EXOC4: variants seen among roughly 807,000 people sequenced by gnomAD.
The protein encoded by EXOC4 is exocyst complex component 4.
In EXOC4, 71 loss-of-function variants were observed where a neutral mutation model predicts 107.2. The ratio of observed to expected loss-of-function variants is 0.66; its 90% CI spans 0.55 to 0.81. EXOC4 has a LOEUF of 0.81. Ranked by LOEUF, EXOC4 falls within the 30% of genes least tolerant of loss-of-function variation. The pLI is 0.00. For synonymous variants in EXOC4, 456 were observed against 441.2 expected (o/e 1.03, Z -0.42); for missense variants, 1,108 against 1,189.6 (o/e 0.93, Z 1.01).
At chr7:133,425,933 T>C (rs1003329798) in intron 7 of EXOC4, among the ~76,000 whole-genome samples, 1 of 152,200 alleles carries the variant, frequency 6.6e-6, no homozygotes. Flanking sequence ...ACCAAACCGT[T>C]ATATTTCCTA....
Position 133,572,906 on chromosome 7 carries a change from A to C in EXOC4, c.1418-57139A>C, listed in dbSNP as rs190144007. Among the ~76,000 whole-genome samples, 330 of 152,344 alleles carry C rather than the reference A, an allele frequency of 2.2e-3. 2 individuals carry two copies. Among genetic ancestry groups the C allele is most frequent in the Non-Finnish European group, 2.7e-3 (184 of 68,026 alleles). On this transcript the variant is annotated intron_variant, in intron 9 of 17. Transcript: ENST00000253861. Reference sequence around the variant, plus strand: ...TTAATAATCTTAGTTTCCCACTATGAAAATGAGGATTGCTTGGGGAAAAGA... The same window carrying C: ...TTAATAATCTTAGTTTCCCACTATGCAAATGAGGATTGCTTGGGGAAAAGA...
At chr7:133,350,007 T>C (rs1795872337) in intron 5 of EXOC4, among the ~76,000 whole-genome samples, 1 of 152,166 alleles carries the variant, frequency 6.6e-6, no homozygotes, top group Non-Finnish European at 1.5e-5. Flanking sequence ...TCTATTCAAG[T>C]CCCTTGCACA....
chr7:133,730,044 G>A (rs1458202140), intron 10 of EXOC4, among the ~76,000 whole-genome samples: 1 of 150,938 alleles, frequency 6.6e-6, no homozygotes, highest in African/African-American at 2.4e-5. Context: ...GGATTTAGGT[G>A]AAGGAAATAA....
chr7:133,895,596 C>G lies in EXOC4; in HGVS notation c.1735-3C>G. Reference sequence around the variant, plus strand: ...ATATCCTCTCTTTGTTGTTCATTTCCAGAGCACAATCATTGTGGAGAAGAC... The same window carrying G: ...ATATCCTCTCTTTGTTGTTCATTTCGAGAGCACAATCATTGTGGAGAAGAC... On this transcript the variant is annotated splice_polypyrimidine_tract_variant and splice_region_variant and intron_variant, in intron 11 of 17. Transcript: ENST00000253861. 2 of 1,613,428 alleles carry G rather than the reference C, an allele frequency of 1.2e-6. No homozygotes were observed. The highest frequency in any genetic ancestry group is 1.7e-6 in the Non-Finnish European group (2 of 1,179,598).
intron 10 of EXOC4, among the ~76,000 whole-genome samples, chr7:133,790,807 C>G (rs1219082392): frequency 6.6e-6 from 1 of 152,136 alleles, no homozygotes; most frequent in East Asian, 1.9e-4. Flanking sequence ...ACCTGCTTGT[C>G]AAATAAACAG....
intron 10 of EXOC4, among the ~76,000 whole-genome samples, chr7:133,806,065 C>A (rs1336699817): frequency 6.6e-6 from 1 of 152,166 alleles, no homozygotes; most frequent in Non-Finnish European, 1.5e-5. Context: ...GCTCCTGGGG[C>A]ATAATTCTTT....
At chr7:133,417,990 C>G (rs1797517716) in intron 7 of EXOC4, among the ~76,000 whole-genome samples, 1 of 152,090 alleles carries the variant, frequency 6.6e-6, no homozygotes, top group Non-Finnish European at 1.5e-5. Flanking sequence ...CCATGTTTTA[C>G]TAAAAAAGTA....
chr7:133,755,295 ATATATATTATATATATAT>A (rs1795889166), intron 10 of EXOC4, among the ~76,000 whole-genome samples: 2 of 114,824 alleles, frequency 1.7e-5, no homozygotes, highest in African/African-American at 3.4e-5. Flanking sequence ...TATACATATT[ATATATATTATATATATAT>A]TATATATATA....
chr7:133,307,482 G>T (rs958666750), intron 4 of EXOC4, among the ~76,000 whole-genome samples: 1 of 152,072 alleles, frequency 6.6e-6, no homozygotes, highest in Non-Finnish European at 1.5e-5. Flanking sequence ...AAAATATTCT[G>T]TATTATAAGG....
intron 11 of EXOC4, among the ~76,000 whole-genome samples, chr7:133,889,508 G>A (rs950249584): frequency 1.2e-3 from 162 of 135,420 alleles, no homozygotes; most frequent in Admixed American, 1.7e-3. Context: ...TGCCATGCTG[G>A]TGCGCTGCAC....
chr7:133,495,464 A>G (rs1361839960), intron 9 of EXOC4, among the ~76,000 whole-genome samples: 2 of 152,160 alleles, frequency 1.3e-5, no homozygotes, highest in Non-Finnish European at 2.9e-5. Context: ...TCTTGCACAT[A>G]TGTATTCCCA....
At chr7:133,603,679 A>G (rs1274048260) in intron 9 of EXOC4, among the ~76,000 whole-genome samples, 1 of 152,220 alleles carries the variant, frequency 6.6e-6, no homozygotes, top group East Asian at 1.9e-4. Flanking sequence ...AAAGGTGAAA[A>G]TGGTCCATCT....
chr7:133,328,917 A>C (rs1795312837), intron 5 of EXOC4, among the ~76,000 whole-genome samples: 1 of 151,868 alleles, frequency 6.6e-6, no homozygotes, highest in African/African-American at 2.4e-5. Context: ...CTTCTTGAGG[A>C]GTATTTTTGT....
chr7:133,257,009 CAAAT>C (rs1205152786), intron 1 of EXOC4, among the ~76,000 whole-genome samples: 2 of 152,288 alleles, frequency 1.3e-5, no homozygotes, highest in East Asian at 3.9e-4. Context: ...CTTTGAGACT[CAAAT>C]AAAAATGCTT....
intron 10 of EXOC4, among the ~76,000 whole-genome samples, chr7:133,634,289 G>A (rs148707329): frequency 1.3e-4 from 20 of 152,092 alleles, no homozygotes; most frequent in Non-Finnish European, 2.5e-4. Context: ...CATTAACTCC[G>A]CTTATCCCTT....
At position 134,021,614 on chromosome 7, in the gene EXOC4, G is replaced by T. The variant is rs115668497; in HGVS notation, c.2687+13779G>T. Among the ~76,000 whole-genome samples, 446 of 151,334 alleles carry T rather than the reference G, an allele frequency of 2.9e-3. 1 individual carries two copies. The highest frequency in any genetic ancestry group is 0.01 in the African/African-American group (424 of 41,176). On this transcript the variant is annotated intron_variant, in intron 17 of 17. Transcript: ENST00000253861. Reference sequence around the variant, plus strand: ...CGTGTTCTAACCTTTAACAATATAGGCTTCAGTTGCCGTGTGATGATTTCC... The same window carrying T: ...CGTGTTCTAACCTTTAACAATATAGTCTTCAGTTGCCGTGTGATGATTTCC...
chr7:133,374,343 T>G (rs1796440461), intron 6 of EXOC4, among the ~76,000 whole-genome samples: 1 of 152,102 alleles, frequency 6.6e-6, no homozygotes, highest in Non-Finnish European at 1.5e-5. Flanking sequence ...GGCTGTACAT[T>G]TGGATGGTAG....
Position 133,358,839 on chromosome 7 carries a change from A to G in EXOC4, c.1007+2266A>G, listed in dbSNP as rs181720541. ...AGAATTCACGAGTGGAAATTATAGCACTAGAAGTATAATAGAAATTCAGCA... is the reference window on the plus strand; with the variant it reads ...AGAATTCACGAGTGGAAATTATAGCGCTAGAAGTATAATAGAAATTCAGCA... On this transcript the variant is annotated intron_variant, in intron 6 of 17. Transcript: ENST00000253861. Among the ~76,000 whole-genome samples, 3 of 151,944 alleles carry G rather than the reference A, an allele frequency of 2.0e-5. No individual in the cohort carries two copies. In the East Asian group the frequency reaches 5.8e-4, roughly 29 times the overall value.
chr7:133,867,785 A>G (rs1423221327), intron 11 of EXOC4, among the ~76,000 whole-genome samples: 1 of 152,364 alleles, frequency 6.6e-6, no homozygotes, highest in East Asian at 1.9e-4. Flanking sequence ...GTGGGTGTGC[A>G]TATTAAAAGA....
Sources: gnomAD v4.1 joint callset for allele counts (sites outside exome capture counted in the v4.1 genomes callset) on GRCh38, gnomAD v4.1.1 for gene constraint, MANE v1.5 for transcripts, NCBI Gene and HGNC (gene_info 2026-07-23, HGNC 2026-07-21) for gene names.